GRAMD1B: variants seen among roughly 807,000 people sequenced by gnomAD.
The protein encoded by GRAMD1B is protein Aster-B.
A neutral mutation model predicts 99.7 loss-of-function variants in GRAMD1B; 37 were observed. The ratio of observed to expected loss-of-function variants is 0.37; its 90% CI spans 0.29 to 0.49. GRAMD1B has a LOEUF of 0.49. GRAMD1B is among the 20% of genes least tolerant of loss of function. The pLI is 0.98. For missense variants in GRAMD1B, 888 were observed against 1,009.2 expected (o/e 0.88, Z 1.63); for synonymous variants, 427 against 387.6 (o/e 1.10, Z -1.19).
At chr11:123,608,252 A>C (rs1953017557) in intron 11 of GRAMD1B, 3 of 527,484 alleles carry the variant, frequency 5.7e-6, no homozygotes, top group Admixed American at 3.2e-5. Flanking sequence ...ATGGGTTACA[A>C]CTACAATTTG....
At chr11:123,464,809 C>G (rs776092487) in intron 1 of GRAMD1B, among the ~76,000 whole-genome samples, 1 of 152,004 alleles carries the variant, frequency 6.6e-6, no homozygotes, top group Non-Finnish European at 1.5e-5. Flanking sequence ...AGTGATAGAT[C>G]GAAGGTAGGG....
chr11:123,391,804 T>C (rs1947291851), intron 1 of GRAMD1B, among the ~76,000 whole-genome samples: 1 of 152,214 alleles, frequency 6.6e-6, no homozygotes, highest in Admixed American at 6.5e-5. Context: ...ACTTACAATG[T>C]ACCAGACATG....
intron 3 of GRAMD1B, among the ~76,000 whole-genome samples, chr11:123,580,568 C>A (rs560056867): frequency 6.6e-6 from 1 of 152,218 alleles, no homozygotes; most frequent in South Asian, 2.1e-4. Context: ...TCAGTTTCCT[C>A]ATTTGCTACT....
intron 1 of GRAMD1B, among the ~76,000 whole-genome samples, chr11:123,477,684 C>T (rs1040123697): frequency 7.1e-4 from 96 of 135,284 alleles, no homozygotes; most frequent in African/African-American, 2.5e-3. Flanking sequence ...CCTTCTCCTT[C>T]TCCCTTCCTT....
intron 1 of GRAMD1B, among the ~76,000 whole-genome samples, chr11:123,378,236 G>A (rs1414771696): frequency 6.6e-6 from 1 of 152,134 alleles, no homozygotes; most frequent in Non-Finnish European, 1.5e-5. Flanking sequence ...TGGCACCCAG[G>A]TTGATCTGAC....
Position 123,614,784 on chromosome 11 carries a change from A to G in GRAMD1B, c.2267A>G (p.Asn756Ser). Residue 756 changes from asparagine (N) to serine (S), a missense_variant, in exon 17 of 20, where the codon AAC becomes AGC. Physicochemically the swap from Asn to Ser is conservative, Grantham distance 46 (BLOSUM62 1). Coordinates refer to ENST00000635736, the MANE Select transcript of GRAMD1B (RefSeq NM_001387025.1). ...CGGCATATCCCGGAGGACACCCCCA[A>G]CGGTTTCCACCTGCAGAGCGTGTCC... ...QTRHIPEDTP[N>S]GFHLQSVSKL... 6.2e-7 allele frequency: 1 copy of G among 1,612,418 alleles called. No individual in the cohort carries two copies. The highest frequency in any genetic ancestry group is 8.5e-7 in the Non-Finnish European group (1 of 1,178,656).
intron 2 of GRAMD1B, among the ~76,000 whole-genome samples, chr11:123,529,220 C>T (rs911883718): frequency 1.7e-4 from 26 of 152,094 alleles, no homozygotes; most frequent in South Asian, 8.3e-4. Context: ...CAGATAAGTG[C>T]GGTGAACAGC....
At position 123,431,070 on chromosome 11, in the gene GRAMD1B, C is replaced by G; in HGVS notation, c.278C>G (p.Ser93Cys). 1.4e-6 allele frequency: 1 copy of G among 703,038 alleles called. No homozygotes were observed. The highest frequency in any genetic ancestry group is 2.7e-5 in the East Asian group (1 of 37,276). The allele number at this position is 703,038 out of a possible 1,614,324, so 43.5% of individuals were successfully genotyped here. The change falls in exon 1 of 20, where the codon TCC (serine) becomes TGC (cysteine). Residue 93 changes from serine (S) to cysteine (C), a missense_variant. This residue lies in a region of GRAMD1B where 233 missense variants were observed against 154.6 expected (regional missense o/e 1.51). Coordinates refer to ENST00000635736, the MANE Select transcript of GRAMD1B (RefSeq NM_001387025.1). ...TCCAGCGACGAGGACACCCCGTGGT[C>G]CAACTGCTCCACACCCAGCGCGTCC... is the stretch of plus-strand genomic sequence containing the variant. Reference protein sequence around the residue: ...TPSSDEDTPWSNCSTPSASPR... With the variant: ...TPSSDEDTPWCNCSTPSASPR...
At chr11:123,368,059 GC>G in intron 1 of GRAMD1B, among the ~76,000 whole-genome samples, 1 of 151,736 alleles carries the variant, frequency 6.6e-6, no homozygotes, top group Admixed American at 6.6e-5. Context: ...TTTGAGACCA[GC>G]CTGGCTAACA....
At chr11:123,570,407 AT>A (rs1176341333) in intron 2 of GRAMD1B, among the ~76,000 whole-genome samples, 1 of 125,218 alleles carries the variant, frequency 8.0e-6, no homozygotes. Context: ...AAGAGTCTTT[AT>A]TTTTTTTCTT....
chr11:123,392,040 T>C (rs1431924014), intron 1 of GRAMD1B, among the ~76,000 whole-genome samples: 1 of 152,088 alleles, frequency 6.6e-6, no homozygotes. Flanking sequence ...TGAGCTGAGA[T>C]CTGAATAGAG....
At chr11:123,402,024 C>A (rs184938911) in intron 1 of GRAMD1B, among the ~76,000 whole-genome samples, 1 of 152,354 alleles carries the variant, frequency 6.6e-6, no homozygotes, top group Non-Finnish European at 1.5e-5. Context: ...CATCCACCTT[C>A]ATCACTAATG....
At chr11:123,609,059 G>C (rs1258102656) in intron 12 of GRAMD1B, among the ~76,000 whole-genome samples, 2 of 151,718 alleles carry the variant, frequency 1.3e-5, no homozygotes, top group Non-Finnish European at 2.9e-5. Flanking sequence ...CGGCCCCTAA[G>C]ACCTACCCTG....
At position 123,430,806 on chromosome 11, in the gene GRAMD1B, A is replaced by G. The variant is rs746243524; in HGVS notation, c.14A>G (p.Asn5Ser). Residue 5 changes from asparagine to serine, a missense_variant, in exon 1 of 20, where the codon AAC (asparagine) becomes AGC (serine). Around this residue, in one of 5 missense-constraint regions of GRAMD1B, gnomAD observed 233 missense variants for 154.6 expected, o/e 1.51. Transcript: ENST00000635736. Reference protein sequence around the residue: MPAANMMENRPLPAL... With the variant: MPAASMMENRPLPAL... ...GCGACGGCCCCCATGCCGGCGGCCAACATGATGGAGAACCGGCCGCTGCCC... is the reference window on the plus strand; with the variant it reads ...GCGACGGCCCCCATGCCGGCGGCCAGCATGATGGAGAACCGGCCGCTGCCC... The G allele has an allele frequency of 3.0e-4, 205 of 689,854 alleles. 1 individual carries two copies. Among genetic ancestry groups the G allele is most frequent in the South Asian group, 2.7e-3 (177 of 66,024 alleles). The allele number at this position is 689,854 out of a possible 1,614,324, so 42.7% of individuals were successfully genotyped here.
intron 2 of GRAMD1B, among the ~76,000 whole-genome samples, chr11:123,550,774 A>T (rs541839317): frequency 1.3e-5 from 2 of 152,310 alleles, no homozygotes; most frequent in Non-Finnish European, 2.9e-5. Flanking sequence ...AGTGTCTCCT[A>T]ATATCCTAGA....
chr11:123,422,830 A>G (rs1591489690), intron 1 of GRAMD1B, among the ~76,000 whole-genome samples: 1 of 152,268 alleles, frequency 6.6e-6, no homozygotes, highest in East Asian at 1.9e-4. Flanking sequence ...TTCTCTGTGA[A>G]ATTCTCTCTG....
rs1369991282 is a variant in GRAMD1B, at chr11:123,477,168, TTCTTTCTTTTTC to T, written c.375-3638_375-3627del. The stretch of plus-strand genomic sequence containing the variant: ...TTCTCTTTCTTTCTTTCCTCCTTCT[TTCTTTCTTTTTC>T]TCTTTCTTTCCCTCTCCCTTGCCTC... On this transcript the variant is annotated intron_variant, in intron 1 of 19. Transcript: ENST00000635736. 2.0e-5 allele frequency among the ~76,000 whole-genome samples: 3 copies of T among 150,838 alleles called. No homozygotes were observed. In the East Asian group the frequency reaches 5.9e-4, roughly 30 times the overall value.
Position 123,625,973 on chromosome 11 carries a change from A to AGAGAGAGAGAGAGAGG in GRAMD1B, c.*3386_*3387insGAGAGAGGGAGAGAGA, listed in dbSNP as rs34697633. ...GAGAGAGAGAGAGAGAGAGAGAGAG[A>AGAGAGAGAGAGAGAGG]GAGAGAGATCGAGCTTGATGTATTG... On this transcript the variant is annotated 3_prime_UTR_variant, in exon 20 of 20. Transcript: ENST00000635736. 1.9e-4 allele frequency: 27 copies of AGAGAGAGAGAGAGAGG among 139,854 alleles called. No individual in the cohort carries two copies. The highest frequency in any genetic ancestry group is 1.0e-3 in the Admixed American group (14 of 14,016). 8.7% of individuals were successfully genotyped at this position (139,854 alleles called of 1,614,324 possible). A position where few individuals can be genotyped will look rare whatever the true frequency, so the allele number is the denominator to read the frequency against.
chr11:123,471,212 ATATAG>A (rs1208070843), intron 1 of GRAMD1B, among the ~76,000 whole-genome samples: 22 of 152,234 alleles, frequency 1.4e-4, no homozygotes, highest in Admixed American at 1.4e-3. Context: ...TCTCAGGAAC[ATATAG>A]TATTATTGCA....
Sources: allele counts gnomAD v4.1 joint callset (sites outside exome capture counted in the v4.1 genomes callset), GRCh38; gene constraint gnomAD v4.1.1; regional missense constraint gnomAD v4.1.1; transcripts MANE v1.5; gene names NCBI Gene and HGNC (gene_info 2026-07-23, HGNC 2026-07-21).